The following OSBPL10 variants were observed in gnomAD, a reference collection of about 807,000 sequenced individuals.
OSBPL10 encodes the protein oxysterol binding protein like 10.
Under a neutral mutation model 81.7 loss-of-function variants are expected in OSBPL10, and 49 were observed. The ratio of observed to expected loss-of-function variants is 0.60; its 90% CI spans 0.48 to 0.76. The LOEUF (loss-of-function observed/expected upper bound fraction) is 0.76, where lower values mean the gene tolerates loss of function less well. Among genes scored for constraint, OSBPL10 ranks in the 30% least tolerant of loss-of-function variants. The probability of loss-of-function intolerance (pLI) is 0.00; values close to 1 mark genes in which losing one functional copy is unlikely to be tolerated. For missense variants in OSBPL10, 923 were observed against 987.8 expected (o/e 0.93, Z 0.88); for synonymous variants, 419 against 383.6 (o/e 1.09, Z -1.08).
At chr3:32,022,775 CAAA>C (rs200225362) in intron 2 of OSBPL10, among the ~76,000 whole-genome samples, 1 of 142,472 alleles carries the variant, frequency 7.0e-6, no homozygotes, top group African/African-American at 2.6e-5. Flanking sequence ...CAAGATGCTG[CAAA>C]AAAAAAAAAT....
intron 7 of OSBPL10, among the ~76,000 whole-genome samples, chr3:31,698,822 C>T (rs1474608703): frequency 6.6e-6 from 1 of 152,168 alleles, no homozygotes; most frequent in Non-Finnish European, 1.5e-5. Context: ...TAAGAGGGAC[C>T]CCCGTCCCAC....
intron 7 of OSBPL10, among the ~76,000 whole-genome samples, chr3:31,692,056 TG>T: frequency 6.6e-6 from 1 of 152,280 alleles, no homozygotes; most frequent in Non-Finnish European, 1.5e-5. Flanking sequence ...TTTTGTCAGA[TG>T]GGAAGAGTTT....
chr3:31,915,765 A>AC (rs1696738155), intron 1 of OSBPL10, among the ~76,000 whole-genome samples: 1 of 151,836 alleles, frequency 6.6e-6, no homozygotes, highest in African/African-American at 2.4e-5. Context: ...AAAGTTGAAA[A>AC]AAAATTATCT....
Position 31,685,110 on chromosome 3 carries a change from C to A in OSBPL10, c.1246-996G>T, listed in dbSNP as rs9830574. On this transcript the variant is annotated intron_variant, in intron 7 of 11. Transcript: ENST00000396556. ...AAGGGTACTCTGAAACTGGGAAGCC[C>A]ATAACTCATTACTGCTACTGCTTTT... Among the ~76,000 whole-genome samples, 1,125 of 152,208 alleles carry A rather than the reference C, an allele frequency of 7.4e-3. 15 individuals are homozygous for A. The highest frequency in any genetic ancestry group is 0.059 in the South Asian group (286 of 4,818).
chr3:31,996,548 G>A (rs1012217051), intron 2 of OSBPL10, among the ~76,000 whole-genome samples: 16 of 152,144 alleles, frequency 1.1e-4, no homozygotes, highest in African/African-American at 3.6e-4. Context: ...TCAGATTTAA[G>A]AATTGACTTT....
intron 3 of OSBPL10, among the ~76,000 whole-genome samples, chr3:31,839,593 T>C (rs895940681): frequency 2.0e-5 from 3 of 152,028 alleles, no homozygotes; most frequent in Admixed American, 2.0e-4. Context: ...TAACATTTGA[T>C]TAAAGATGTC....
rs550750688 is a variant in OSBPL10, at chr3:31,748,079, G to A, written c.771C>T (p.His257=). 5.6e-5 allele frequency: 90 copies of A among 1,614,062 alleles called. No individual in the cohort carries two copies. Among genetic ancestry groups the A allele is most frequent in the East Asian group, 1.6e-4 (7 of 44,862 alleles). The change falls in exon 5 of 12, where the codon CAC becomes CAT. Residue 257 remains histidine, a synonymous_variant. Transcript: ENST00000396556. Reference sequence around the variant, plus strand: ...CGGACCCTGGCAGGGACTCAATGGCGTGCACAAGGTTCTTCTGCTGCCCTT... The same window carrying A: ...CGGACCCTGGCAGGGACTCAATGGCATGCACAAGGTTCTTCTGCTGCCCTT... The part of the protein sequence containing the change: ...QVEGQQKNLV[H]AIESLPGSGP...
At chr3:31,918,740 G>A (rs1354147691) in intron 1 of OSBPL10, among the ~76,000 whole-genome samples, 1 of 152,134 alleles carries the variant, frequency 6.6e-6, no homozygotes, top group Non-Finnish European at 1.5e-5. Context: ...GTGGAATGCA[G>A]GCCCACTACT....
At chr3:31,916,494 A>C (rs771518243) in intron 1 of OSBPL10, among the ~76,000 whole-genome samples, 14 of 152,196 alleles carry the variant, frequency 9.2e-5, no homozygotes, top group Admixed American at 7.2e-4. Context: ...AGCAGTCAGA[A>C]GTAAAATATC....
chr3:31,931,014 C>CAA (rs60251266), intron 1 of OSBPL10, among the ~76,000 whole-genome samples: 674 of 62,046 alleles, frequency 0.011, 56 homozygotes, highest in African/African-American at 0.042. Flanking sequence ...GACTCGGTCT[C>CAA]AAAAAAAAAA....
intron 1 of OSBPL10, among the ~76,000 whole-genome samples, chr3:31,950,837 C>T (rs142272213): frequency 6.2e-4 from 95 of 152,318 alleles, no homozygotes; most frequent in Middle Eastern, 3.4e-3. Flanking sequence ...TGCTCCCTCT[C>T]GCCATGTGAC....
chr3:31,948,527 C>T (rs1369270023), intron 1 of OSBPL10, among the ~76,000 whole-genome samples: 3 of 152,298 alleles, frequency 2.0e-5, no homozygotes, highest in African/African-American at 4.8e-5. Context: ...TCCACGACCA[C>T]ACTCGAGCAA....
In OSBPL10 at chr3:31,871,332, G is replaced by A. The variant is rs537891948; in HGVS notation, c.537+5101C>T. 5.3e-5 allele frequency among the ~76,000 whole-genome samples: 8 copies of A among 151,896 alleles called. No individual in the cohort carries two copies. In the East Asian group the frequency reaches 1.2e-3, roughly 22 times the overall value. The stretch of plus-strand genomic sequence containing the variant: ...CCTTAAGAGCTGTAACACTCACTAC[G>A]AAGGACTGCAGCTTCCCTCCTGAGC... On this transcript the variant is annotated intron_variant, in intron 3 of 11. Coordinates refer to ENST00000396556, the MANE Select transcript of OSBPL10 (RefSeq NM_017784.5).
At chr3:32,014,266 C>T (rs1164371873) in intron 2 of OSBPL10, among the ~76,000 whole-genome samples, 2 of 152,206 alleles carry the variant, frequency 1.3e-5, no homozygotes, top group Non-Finnish European at 2.9e-5. Flanking sequence ...TGGGCTTCAT[C>T]CCTGGGATGC....
chr3:31,981,425 C>T (rs552173827), upstream of OSBPL10: 39 of 531,468 alleles, frequency 7.3e-5, 1 homozygote, highest in Middle Eastern at 1.1e-3. The surrounding 1 kb of genome is among the most constrained non-coding windows in gnomAD (Gnocchi z 4.5). Flanking sequence ...CCCCTCCCTC[C>T]GCACTAGTTT....
At chr3:32,026,558 C>T (rs1404460650) in intron 2 of OSBPL10, among the ~76,000 whole-genome samples, 1 of 152,136 alleles carries the variant, frequency 6.6e-6, no homozygotes, top group Non-Finnish European at 1.5e-5. Context: ...TCTAAAAAAA[C>T]CCTAAATGTA....
intron 1 of OSBPL10, among the ~76,000 whole-genome samples, chr3:31,882,824 CG>C (rs1184949445): frequency 5.3e-5 from 8 of 152,294 alleles, no homozygotes; most frequent in Admixed American, 2.0e-4. Flanking sequence ...AACTAGGCCA[CG>C]GGGATCAGTA....
intron 4 of OSBPL10, among the ~76,000 whole-genome samples, chr3:31,770,885 G>A (rs889593630): frequency 6.6e-6 from 1 of 152,166 alleles, no homozygotes; most frequent in Non-Finnish European, 1.5e-5. Flanking sequence ...CAGTTAATTT[G>A]TTTACTGGTC....
chr3:32,032,908 G>C (rs1435280094), intron 2 of OSBPL10, among the ~76,000 whole-genome samples: 4 of 152,140 alleles, frequency 2.6e-5, no homozygotes, highest in African/African-American at 9.7e-5. Flanking sequence ...TGTTGTTGGA[G>C]GACCATTGAA....
Sources: gnomAD v4.1 joint callset for allele counts (sites outside exome capture counted in the v4.1 genomes callset) on GRCh38, gnomAD v4.1.1 for gene constraint, Gnocchi (gnomAD v3.1) non-coding constraint, MANE v1.5 for transcripts, NCBI Gene and HGNC (gene_info 2026-07-23, HGNC 2026-07-21) for gene names.